Variants in NCAM1 observed in about 807,000 individuals in gnomAD.
NCAM1 encodes the protein antigen recognized by monoclonal antibody 5.1H11.
A neutral mutation model predicts 109.8 loss-of-function variants in NCAM1; 14 were observed. The ratio of observed to expected loss-of-function variants is 0.13; its 90% CI spans 0.08 to 0.20. NCAM1 has a LOEUF of 0.20. Ranked by LOEUF, NCAM1 falls within the 10% of genes least tolerant of loss-of-function variation. The probability of loss-of-function intolerance (pLI) is 1.00; values close to 1 mark genes in which losing one functional copy is unlikely to be tolerated. For missense variants in NCAM1, 774 were observed against 1,109.9 expected (o/e 0.70, Z 4.30); for synonymous variants, 418 against 442.9 (o/e 0.94, Z 0.70).
At chr11:113,200,491 C>T (rs1006879984) in intron 1 of NCAM1, among the ~76,000 whole-genome samples, 4 of 152,290 alleles carry the variant, frequency 2.6e-5, no homozygotes, top group South Asian at 2.1e-4. Context: ...TGAATGGAAA[C>T]GTTTTGCCCT....
intron 14 of NCAM1, among the ~76,000 whole-genome samples, chr11:113,245,493 C>T (rs1215103053): frequency 6.6e-6 from 1 of 152,196 alleles, no homozygotes; most frequent in African/African-American, 2.4e-5. Context: ...ATGTCAAACT[C>T]TCAGCACGTT....
intron 1 of NCAM1, among the ~76,000 whole-genome samples, chr11:113,052,318 T>C (rs1555081936): frequency 1.3e-5 from 2 of 152,222 alleles, no homozygotes; most frequent in Non-Finnish European, 2.9e-5. Context: ...TTAATTACAA[T>C]GGAGTTTGAA....
intron 15 of NCAM1, among the ~76,000 whole-genome samples, chr11:113,254,169 C>G (rs1159842576): frequency 6.6e-6 from 1 of 152,190 alleles, no homozygotes; most frequent in Non-Finnish European, 1.5e-5. Context: ...ATTTGGAAAG[C>G]CTAAATACCT....
At chr11:113,147,747 G>A (rs1555101578) in intron 1 of NCAM1, among the ~76,000 whole-genome samples, 1 of 152,198 alleles carries the variant, frequency 6.6e-6, no homozygotes, top group African/African-American at 2.4e-5. Context: ...TATATGGTGA[G>A]AATGATGCTG....
At chr11:113,167,715 A>T (rs562322894) in intron 1 of NCAM1, among the ~76,000 whole-genome samples, 1 of 152,084 alleles carries the variant, frequency 6.6e-6, no homozygotes, top group Non-Finnish European at 1.5e-5. Flanking sequence ...CCCGTGTTCT[A>T]TGCATTCTCA....
intron 1 of NCAM1, among the ~76,000 whole-genome samples, chr11:113,135,528 C>A (rs1555099234): frequency 1.3e-5 from 2 of 152,162 alleles, no homozygotes; most frequent in Non-Finnish European, 2.9e-5. Flanking sequence ...GGTGTATTCC[C>A]TGGGTAGGCA....
intron 1 of NCAM1, among the ~76,000 whole-genome samples, chr11:113,164,553 G>C (rs1019607674): frequency 7.9e-5 from 12 of 152,166 alleles, no homozygotes; most frequent in Admixed American, 2.6e-4. Context: ...ATGATTGCTA[G>C]GATGGCTCAC....
chr11:113,011,364 G>T (rs1555074366), intron 1 of NCAM1, among the ~76,000 whole-genome samples: 1 of 151,456 alleles, frequency 6.6e-6, no homozygotes, highest in Non-Finnish European at 1.5e-5. Context: ...GTCTATCATT[G>T]TTGGACATTT....
intron 1 of NCAM1, among the ~76,000 whole-genome samples, chr11:113,195,910 G>GGTGT (rs58873545): frequency 0.23 from 33,461 of 148,368 alleles, 3,893 homozygotes; most frequent in African/African-American, 0.28. Context: ...TTGTTTGCAG[G>GGTGT]GTGTGTGTGT....
At chr11:113,230,062 C>A (rs1457245038) in intron 9 of NCAM1, among the ~76,000 whole-genome samples, 7 of 151,500 alleles carry the variant, frequency 4.6e-5, no homozygotes, top group Admixed American at 3.3e-4. Context: ...TGCACATGTA[C>A]CCTAAAACTT....
chr11:113,207,311 C>G lies in NCAM1; in HGVS notation c.679C>G (p.Leu227Val), dbSNP rs782122142. The change falls in exon 6 of 20, where the codon CTC (leucine) becomes GTC (valine). Residue 227 changes from leucine (L) to valine (V), a missense_variant. Around this residue, in one of 4 missense-constraint regions of NCAM1, gnomAD observed 523 missense variants for 784.2 expected, o/e 0.67. Coordinates refer to ENST00000316851, the MANE Select transcript of NCAM1 (RefSeq NM_181351.5). Reference protein sequence around the residue: ...RQNIVNATANLGQSVTLVCDA... With the variant: ...RQNIVNATANVGQSVTLVCDA... The stretch of plus-strand genomic sequence containing the variant: ...GAATATTGTGAATGCCACCGCCAAC[C>G]TCGGCCAGTCCGTCACCCTGGTGTG... 2.5e-6 allele frequency: 4 copies of G among 1,614,042 alleles called. No homozygotes were observed. Among genetic ancestry groups the G allele is most frequent in the Non-Finnish European group, 3.4e-6 (4 of 1,179,902 alleles).
Position 112,961,567 on chromosome 11 carries a change from C to T in NCAM1, c.-46C>T. 7.9e-7 allele frequency: 1 copy of T among 1,272,292 alleles called. No homozygotes were observed. 78.8% of individuals were successfully genotyped at this position (1,272,292 alleles called of 1,614,324 possible). On this transcript the variant is annotated 5_prime_UTR_variant, in exon 1 of 20. Transcript: ENST00000316851. ...CACACTCGCTGCAGGGGGGGGGGCA[C>T]AGAATTTACCGCGGCAAGAACATCC...
intron 1 of NCAM1, among the ~76,000 whole-genome samples, chr11:112,980,159 G>A (rs945632921): frequency 6.6e-6 from 1 of 151,788 alleles, no homozygotes; most frequent in Admixed American, 6.6e-5. Flanking sequence ...CTTCACACCC[G>A]CTAGGATGGC....
At chr11:113,135,635 C>A (rs1941570131) in intron 1 of NCAM1, among the ~76,000 whole-genome samples, 2 of 152,154 alleles carry the variant, frequency 1.3e-5, no homozygotes, top group South Asian at 4.1e-4. Flanking sequence ...TTTTGCTTAC[C>A]AGTGCTTTTG....
In NCAM1 at chr11:113,189,772, T is replaced by C. The variant is rs551895283; in HGVS notation, c.53-12607T>C. Reference sequence around the variant, plus strand: ...CGAGTTTGTCAAGGACAGTTGGGTTTGGATTGAGGGAGGAGGAAAGTCTTA... The same window carrying C: ...CGAGTTTGTCAAGGACAGTTGGGTTCGGATTGAGGGAGGAGGAAAGTCTTA... On this transcript the variant is annotated intron_variant, in intron 1 of 19. Coordinates refer to ENST00000316851, the MANE Select transcript of NCAM1 (RefSeq NM_181351.5). Among the ~76,000 whole-genome samples the C allele has an allele frequency of 3.3e-5, 5 of 152,106 alleles. No homozygotes were observed. The South Asian group carries it at 1.0e-3, about 32-fold the overall frequency.
intron 1 of NCAM1, among the ~76,000 whole-genome samples, chr11:113,093,095 C>T (rs782060193): frequency 1.0e-3 from 158 of 152,238 alleles, no homozygotes; most frequent in Non-Finnish European, 4.9e-4. Context: ...GAACAAACAC[C>T]GAGCATTAGA....
At chr11:113,272,761 C>T (rs920564913) in intron 19 of NCAM1, among the ~76,000 whole-genome samples, 6 of 152,124 alleles carry the variant, frequency 3.9e-5, no homozygotes, top group African/African-American at 7.2e-5. Context: ...CCCACCTGGG[C>T]GTGTGCTTCC....
chr11:113,260,005 C>A, intron 16 of NCAM1, 141 bp from the exon 17 acceptor site: 1 of 704,200 alleles, frequency 1.4e-6, no homozygotes, highest in Non-Finnish European at 2.3e-6. Flanking sequence ...GCGCCCACCC[C>A]CATCATTGCT....
intron 16 of NCAM1, among the ~76,000 whole-genome samples, chr11:113,257,954 G>A (rs1409465386): frequency 2.0e-5 from 3 of 152,224 alleles, no homozygotes; most frequent in Non-Finnish European, 4.4e-5. Context: ...ACTGGCATTT[G>A]CCCATGCAGC....
Sources: gnomAD v4.1 joint callset for allele counts (sites outside exome capture counted in the v4.1 genomes callset) on GRCh38, gnomAD v4.1.1 for gene constraint, gnomAD v4.1.1 regional missense constraint, MANE v1.5 for transcripts, NCBI Gene and HGNC (gene_info 2026-07-23, HGNC 2026-07-21) for gene names.